Variants in ACYP2 observed in about 807,000 individuals in gnomAD.
ACYP2 encodes the protein acylphosphatase-2.
ACYP2 carries 12 observed loss-of-function variants against 11.2 expected under a neutral mutation model. The ratio of observed to expected loss-of-function variants is 1.08; its 90% CI spans 0.69 to 1.74. The LOEUF (loss-of-function observed/expected upper bound fraction) is 1.74. ACYP2 is among the 40% of genes most tolerant of loss of function. The pLI is 0.00. For synonymous variants in ACYP2, 43 were observed against 32.2 expected (o/e 1.33, Z -1.13); for missense variants, 134 against 101.9 (o/e 1.31, Z -1.35).
intron 6 of ACYP2, among the ~76,000 whole-genome samples, chr2:54,217,616 C>G (rs1165874030): frequency 6.6e-6 from 1 of 152,072 alleles, no homozygotes; most frequent in African/African-American, 2.4e-5. Flanking sequence ...CAAGCGATCC[C>G]CCTGCCTCGG....
chr2:54,094,337 C>T (rs533068312), intron 4 of ACYP2, among the ~76,000 whole-genome samples: 143 of 151,706 alleles, frequency 9.4e-4, no homozygotes, highest in African/African-American at 3.2e-3. Context: ...AAGCAATTCT[C>T]CTGCCTCAGC....
chr2:54,165,533 T>TCACACACACACA (rs1326165242), intron 6 of ACYP2, among the ~76,000 whole-genome samples: 170 of 123,718 alleles, frequency 1.4e-3, no homozygotes, highest in African/African-American at 5.1e-3. Flanking sequence ...TCTCTCTCTC[T>TCACACACACACA]CTCACACACA....
intron 2 of ACYP2, among the ~76,000 whole-genome samples, chr2:54,019,053 T>A (rs1402477044): frequency 6.6e-6 from 1 of 151,250 alleles, no homozygotes; most frequent in Non-Finnish European, 1.5e-5. Context: ...CCTATTTTTT[T>A]ATTATTATTA....
intron 6 of ACYP2, among the ~76,000 whole-genome samples, chr2:54,256,910 G>A (rs374544536): frequency 6.6e-6 from 1 of 152,070 alleles, no homozygotes; most frequent in African/African-American, 2.4e-5. Flanking sequence ...CAGGTGATCC[G>A]CCCATCTTGG....
chr2:54,174,324 CTGTT>C (rs1334241319), intron 6 of ACYP2, among the ~76,000 whole-genome samples: 2 of 151,492 alleles, frequency 1.3e-5, no homozygotes, highest in South Asian at 2.1e-4. Flanking sequence ...CATGATTTGA[CTGTT>C]TGTTATTGGT....
At chr2:54,240,699 T>C (rs1299914304) in intron 6 of ACYP2, among the ~76,000 whole-genome samples, 1 of 152,176 alleles carries the variant, frequency 6.6e-6, no homozygotes, top group Non-Finnish European at 1.5e-5. Flanking sequence ...AGCAACTCCC[T>C]GGTGAGATGA....
intron 6 of ACYP2, among the ~76,000 whole-genome samples, chr2:54,227,550 GA>G (rs1686060533): frequency 6.6e-6 from 1 of 151,684 alleles, no homozygotes; most frequent in African/African-American, 2.4e-5. Flanking sequence ...TGAGGCAGAG[GA>G]ATCGCTTGAA....
chr2:54,057,860 G>C (rs1269401983), intron 4 of ACYP2, among the ~76,000 whole-genome samples: 1 of 152,170 alleles, frequency 6.6e-6, no homozygotes, highest in Non-Finnish European at 1.5e-5. Flanking sequence ...GAGTGGCTAA[G>C]GCAGAGCAGA....
At chr2:53,993,426 G>A (rs934396196) in intron 2 of ACYP2, among the ~76,000 whole-genome samples, 2 of 152,076 alleles carry the variant, frequency 1.3e-5, no homozygotes, top group Non-Finnish European at 2.9e-5. Context: ...TTGGGAATCA[G>A]GCCGGGCGTG....
chr2:54,205,882 T>A (rs1364572328), intron 6 of ACYP2, among the ~76,000 whole-genome samples: 2 of 152,222 alleles, frequency 1.3e-5, no homozygotes, highest in African/African-American at 2.4e-5. Flanking sequence ...TTAGGGTTAA[T>A]TTGTATCAAT....
intron 4 of ACYP2, among the ~76,000 whole-genome samples, chr2:54,086,409 G>C (rs1341250548): frequency 6.6e-6 from 1 of 152,184 alleles, no homozygotes; most frequent in East Asian, 1.9e-4. Flanking sequence ...ACTTCAGATG[G>C]GAGAGGGAGA....
chr2:54,232,363 C>G (rs756987136), intron 6 of ACYP2, among the ~76,000 whole-genome samples: 2 of 152,066 alleles, frequency 1.3e-5, no homozygotes, highest in Non-Finnish European at 1.5e-5. Flanking sequence ...TGTGCTACCT[C>G]TGACACCATC....
chr2:54,035,366 C>T (rs1269720492), intron 2 of ACYP2, among the ~76,000 whole-genome samples: 1 of 150,720 alleles, frequency 6.6e-6, no homozygotes, highest in East Asian at 2.0e-4. Flanking sequence ...CCCGGGTTCA[C>T]GCCATTCTCC....
chr2:54,201,419 T>A (rs1684756071), intron 6 of ACYP2, among the ~76,000 whole-genome samples: 1 of 152,014 alleles, frequency 6.6e-6, no homozygotes, highest in Non-Finnish European at 1.5e-5. Context: ...CTCTTTGTTT[T>A]AATTGTCGAA....
intron 4 of ACYP2, among the ~76,000 whole-genome samples, chr2:54,059,557 AT>A (rs1457417464): frequency 6.6e-6 from 1 of 152,066 alleles, no homozygotes; most frequent in East Asian, 1.9e-4. Context: ...GTTTCGTTAG[AT>A]TTTCAGATGC....
At chr2:54,267,300 T>C (rs1688081346) in intron 6 of ACYP2, 1 of 1,548,866 alleles carries the variant, frequency 6.5e-7, no homozygotes, top group Non-Finnish European at 8.7e-7. Context: ...TAATAGGAAT[T>C]CATCAGCTCC....
At chr2:54,176,246 C>A (rs1002670812) in intron 6 of ACYP2, among the ~76,000 whole-genome samples, 1 of 152,158 alleles carries the variant, frequency 6.6e-6, no homozygotes, top group African/African-American at 2.4e-5. Flanking sequence ...GAAAATAATG[C>A]ATGCATTGTC....
chr2:54,253,985 G>C (rs1687358697), intron 6 of ACYP2: 1 of 152,178 alleles, frequency 6.6e-6, no homozygotes, highest in Non-Finnish European at 1.5e-5. Context: ...TGAGAGATGA[G>C]AGAAAAGAAA....
chr2:54,191,402 A>G (rs1384562424), intron 6 of ACYP2, among the ~76,000 whole-genome samples: 2 of 152,120 alleles, frequency 1.3e-5, no homozygotes, highest in Non-Finnish European at 2.9e-5. Context: ...TCAGGGTGGC[A>G]CTTGCTCTTC....
Sources: gnomAD v4.1 joint callset for allele counts (sites outside exome capture counted in the v4.1 genomes callset) on GRCh38, gnomAD v4.1.1 for gene constraint, MANE v1.5 for transcripts, NCBI Gene and HGNC (gene_info 2026-07-23, HGNC 2026-07-21) for gene names.